Variants in FBXL20 observed in about 807,000 individuals in gnomAD.
The protein encoded by FBXL20 is F-box/LRR-repeat protein 20.
FBXL20 carries 11 observed loss-of-function variants against 64.0 expected under a neutral mutation model. The observed-to-expected ratio is 0.17, with a 90% CI of 0.11 to 0.28. The LOEUF is 0.28. Among genes scored for constraint, FBXL20 ranks in the 10% least tolerant of loss-of-function variants. The pLI is 1.00. For synonymous variants in FBXL20, 184 were observed against 189.0 expected (o/e 0.97, Z 0.22); for missense variants, 303 against 526.2 (o/e 0.58, Z 4.15).
In FBXL20 at chr17:39,256,066, A is replaced by T. The variant is rs1317424501; in HGVS notation, c.*5394T>A. 6.6e-6 allele frequency: 1 copy of T among 152,200 alleles called. No individual in the cohort carries two copies. Among genetic ancestry groups the T allele is most frequent in the Admixed American group, 6.5e-5 (1 of 15,268 alleles). The allele number at this position is 152,200 out of a possible 1,614,324, so 9.4% of individuals were successfully genotyped here. On this transcript the variant is annotated 3_prime_UTR_variant, in exon 15 of 15. Transcript: ENST00000264658. Reference sequence around the variant, plus strand: ...CCAGGTGCGGTGGCTTACACCTGTAATCCCAGCACTTTGGGAGGCCAAGGC... The same window carrying T: ...CCAGGTGCGGTGGCTTACACCTGTATTCCCAGCACTTTGGGAGGCCAAGGC...
intron 1 of FBXL20, among the ~76,000 whole-genome samples, chr17:39,354,514 G>A (rs955453038): frequency 6.6e-5 from 10 of 152,276 alleles, no homozygotes; most frequent in African/African-American, 1.9e-4. Flanking sequence ...TAAGCTCTGA[G>A]AGGAAAGGGA....
intron 1 of FBXL20, among the ~76,000 whole-genome samples, chr17:39,366,212 C>T (rs1384674364): frequency 6.6e-6 from 1 of 152,142 alleles, no homozygotes; most frequent in African/African-American, 2.4e-5. Context: ...TATTTAGATA[C>T]TACTCAGTGT....
intron 2 of FBXL20, among the ~76,000 whole-genome samples, chr17:39,324,008 A>ACCCCCCCCCCCCCCCCCC (rs138382317): frequency 6.2e-5 from 8 of 129,054 alleles, no homozygotes; most frequent in Admixed American, 7.8e-5. Context: ...TCGTGATCCA[A>ACCCCCCCCCCCCCCCCCC]CCCCCTCCCC....
intron 6 of FBXL20, among the ~76,000 whole-genome samples, chr17:39,294,639 C>T (rs1324619956): frequency 6.6e-6 from 1 of 152,012 alleles, no homozygotes; most frequent in East Asian, 1.9e-4. Context: ...TTTAAATTCA[C>T]TAAAATGTGG....
chr17:39,373,990 G>A, intron 1 of FBXL20, among the ~76,000 whole-genome samples: 1 of 152,096 alleles, frequency 6.6e-6, no homozygotes, highest in East Asian at 1.9e-4. Flanking sequence ...GGGAGGCCGA[G>A]GAAGGTGGAT....
intron 2 of FBXL20, among the ~76,000 whole-genome samples, chr17:39,311,701 T>C (rs1222241959): frequency 1.3e-5 from 2 of 152,196 alleles, no homozygotes; most frequent in African/African-American, 4.8e-5. Flanking sequence ...TTCCTGTCAT[T>C]CACTAAACTG....
intron 6 of FBXL20, among the ~76,000 whole-genome samples, chr17:39,289,984 G>A (rs1597778112): frequency 8.4e-6 from 1 of 118,838 alleles, no homozygotes; most frequent in Non-Finnish European, 1.6e-5. Context: ...GGGCAATAGT[G>A]CGAGACTCAG....
At chr17:39,276,735 G>A (rs993327106) in intron 9 of FBXL20, among the ~76,000 whole-genome samples, 6 of 152,094 alleles carry the variant, frequency 3.9e-5, no homozygotes, top group Admixed American at 3.9e-4. Context: ...ATAATATCTG[G>A]TTGTTTTCTA....
rs1248756291 is a variant in FBXL20, at chr17:39,281,428, G to A, written c.657C>T (p.His219=). The change falls in exon 9 of 15, where the codon CAC becomes CAT. Residue 219 remains histidine (H), a synonymous_variant. Coordinates refer to ENST00000264658, the MANE Select transcript of FBXL20 (RefSeq NM_032875.3). ...AGTTCAAAGTCACCAGTTCAGGGCA[G>A]TGTGCACCTATGTACTTGAGAGCTT... The part of the protein sequence containing the change: ...EDEALKYIGA[H]CPELVTLNLQ... The A allele has an allele frequency of 3.1e-6, 5 of 1,613,980 alleles. No individual in the cohort carries two copies. The highest frequency in any genetic ancestry group is 1.7e-6 in the Non-Finnish European group (2 of 1,179,942).
chr17:39,302,666 C>G (rs533728850), intron 3 of FBXL20, among the ~76,000 whole-genome samples: 1 of 152,168 alleles, frequency 6.6e-6, no homozygotes, highest in Non-Finnish European at 1.5e-5. Flanking sequence ...AGCCACTGCA[C>G]GCAGCCCTAA....
chr17:39,305,112 A>G (rs547658197), intron 2 of FBXL20, among the ~76,000 whole-genome samples: 1 of 152,280 alleles, frequency 6.6e-6, no homozygotes, highest in South Asian at 2.1e-4. Flanking sequence ...AAAAAAGATA[A>G]TTTAATAAAG....
intron 2 of FBXL20, among the ~76,000 whole-genome samples, chr17:39,325,083 C>G (rs2047397909): frequency 6.6e-6 from 1 of 152,176 alleles, no homozygotes; most frequent in Non-Finnish European, 1.5e-5. Flanking sequence ...TGGCAGGCAC[C>G]TGTAGTCCTA....
intron 1 of FBXL20, among the ~76,000 whole-genome samples, chr17:39,380,291 C>T (rs1408874992): frequency 6.6e-6 from 1 of 152,078 alleles, no homozygotes; most frequent in Admixed American, 6.6e-5. Flanking sequence ...ATTACAAGGC[C>T]ATTCATTATC....
At chr17:39,335,517 A>G (rs1241204841) in intron 2 of FBXL20, among the ~76,000 whole-genome samples, 11 of 134,456 alleles carry the variant, frequency 8.2e-5, no homozygotes, top group Non-Finnish European at 9.2e-5. Flanking sequence ...CAGGAGGCGG[A>G]GGTTGCAGTG....
At chr17:39,275,759 G>C (rs1014990256) in intron 9 of FBXL20, among the ~76,000 whole-genome samples, 2 of 151,914 alleles carry the variant, frequency 1.3e-5, no homozygotes, top group African/African-American at 4.8e-5. Context: ...AAGTATTTTA[G>C]TAGTATAAAT....
chr17:39,295,784 GAT>G (rs10568875), intron 6 of FBXL20, among the ~76,000 whole-genome samples: 7,761 of 136,848 alleles, frequency 0.057, 680 homozygotes, highest in African/African-American at 0.19. Flanking sequence ...CAAATATGGA[GAT>G]ATATATATAT....
chr17:39,278,196 A>G (rs1249001954), intron 9 of FBXL20, among the ~76,000 whole-genome samples: 1 of 152,138 alleles, frequency 6.6e-6, no homozygotes, highest in Non-Finnish European at 1.5e-5. Flanking sequence ...CCCAGGCTGG[A>G]GTGCAGTGGC....
At chr17:39,396,850 G>C (rs1326474340) in intron 1 of FBXL20, among the ~76,000 whole-genome samples, 1 of 150,856 alleles carries the variant, frequency 6.6e-6, no homozygotes, top group South Asian at 2.1e-4. Context: ...CCAGCTACTC[G>C]GGAGGCTGCG....
At position 39,282,861 on chromosome 17, in the gene FBXL20, G is replaced by C; in HGVS notation, c.495-6C>G. On this transcript the variant is annotated splice_polypyrimidine_tract_variant and splice_region_variant and intron_variant, in intron 7 of 14. Coordinates refer to ENST00000264658, the MANE Select transcript of FBXL20 (RefSeq NM_032875.3). ...CCAACAGTGGACATCCCTCACTTAG[G>C]ATAAAACAAAATAAGAGAAACATAT... 1 of 1,613,876 alleles carries C rather than the reference G, an allele frequency of 6.2e-7. No individual in the cohort carries two copies. Among genetic ancestry groups the C allele is most frequent in the Non-Finnish European group, 8.5e-7 (1 of 1,179,936 alleles).
Sources: gnomAD v4.1 joint callset for allele counts (sites outside exome capture counted in the v4.1 genomes callset) on GRCh38, gnomAD v4.1.1 for gene constraint, MANE v1.5 for transcripts, NCBI Gene and HGNC (gene_info 2026-07-23, HGNC 2026-07-21) for gene names.